The following GRIN2A variants were observed in gnomAD, a reference collection of about 807,000 sequenced individuals.
GRIN2A encodes glutamate receptor ionotropic, NMDA 2A.
Under a neutral mutation model 113.4 loss-of-function variants are expected in GRIN2A, and 22 were observed. The ratio of observed to expected loss-of-function variants is 0.19; its 90% CI spans 0.14 to 0.28. The LOEUF (loss-of-function observed/expected upper bound fraction) is 0.28. Ranked by LOEUF, GRIN2A falls within the 10% of genes least tolerant of loss-of-function variation. GRIN2A has a pLI of 1.00. For synonymous variants in GRIN2A, 827 were observed against 738.4 expected (o/e 1.12, Z -1.94); for missense variants, 1,502 against 1,887.0 (o/e 0.80, Z 3.78).
intron 2 of GRIN2A, among the ~76,000 whole-genome samples, chr16:10,153,255 C>T (rs2049621711): frequency 2.0e-5 from 3 of 152,118 alleles, no homozygotes; most frequent in Admixed American, 1.3e-4. Flanking sequence ...TTGCTGTGAA[C>T]CTAAGACTGC....
chr16:9,871,784 C>CA (rs541951403), intron 4 of GRIN2A, among the ~76,000 whole-genome samples: 2 of 151,516 alleles, frequency 1.3e-5, no homozygotes, highest in Non-Finnish European at 2.9e-5. Flanking sequence ...CTATTAGGCA[C>CA]TTTTTTTTTG....
chr16:10,011,577 G>A (rs2046506177), intron 2 of GRIN2A, among the ~76,000 whole-genome samples: 1 of 152,220 alleles, frequency 6.6e-6, no homozygotes, highest in African/African-American at 2.4e-5. Flanking sequence ...GTGTGCTGAA[G>A]TAACTGCCTG....
intron 2 of GRIN2A, among the ~76,000 whole-genome samples, chr16:9,993,379 A>T (rs2141823177): frequency 6.6e-6 from 1 of 152,134 alleles, no homozygotes; most frequent in East Asian, 1.9e-4. Flanking sequence ...GTGAAACCCC[A>T]TCTCTACAAA....
intron 2 of GRIN2A, among the ~76,000 whole-genome samples, chr16:9,957,355 G>T (rs2045331977): frequency 2.0e-5 from 3 of 152,152 alleles, no homozygotes; most frequent in Admixed American, 2.0e-4. Context: ...CTCACTGTGG[G>T]ACACAGCCAC....
At position 10,162,954 on chromosome 16, in the gene GRIN2A, G is replaced by A. The variant is rs775250984; in HGVS notation, c.414+17044C>T. ...AAGTAAACTAAGCACATGATCCCAC[G>A]AAGGCACATCCAAGGCTCTCTTTTG... On this transcript the variant is annotated intron_variant, in intron 2 of 12. Coordinates refer to ENST00000330684, the MANE Select transcript of GRIN2A (RefSeq NM_001134407.3). 2.4e-4 allele frequency among the ~76,000 whole-genome samples: 37 copies of A among 152,306 alleles called. No individual in the cohort carries two copies. In the Middle Eastern group the frequency reaches 0.02, roughly 84 times the overall value.
Position 10,180,678 on chromosome 16 carries a change from A to C in GRIN2A, c.-18-249T>G. On this transcript the variant is annotated intron_variant, in intron 1 of 12. Transcript: ENST00000330684. The surrounding 1 kb of genome is among the most constrained non-coding windows in gnomAD (Gnocchi z 7.0). Reference sequence around the variant, plus strand: ...GCCCCTTCTCGCATCCAGCTTCCTCATCCCCTGTCTCCAGGCACTTCCCCA... The same window carrying C: ...GCCCCTTCTCGCATCCAGCTTCCTCCTCCCCTGTCTCCAGGCACTTCCCCA... 3.3e-6 allele frequency: 2 copies of C among 606,948 alleles called. No homozygotes were observed. The highest frequency in any genetic ancestry group is 2.9e-6 in the Non-Finnish European group (1 of 349,714). The allele number at this position is 606,948 out of a possible 1,614,324, so 37.6% of individuals were successfully genotyped here.
chr16:9,783,598 C>A (rs1036331449), intron 11 of GRIN2A, among the ~76,000 whole-genome samples: 1 of 152,140 alleles, frequency 6.6e-6, no homozygotes, highest in Non-Finnish European at 1.5e-5. Flanking sequence ...AAGTGCCAAA[C>A]CATTTATGCC....
chr16:10,111,741 G>C, intron 2 of GRIN2A: 1 of 1,524,306 alleles, frequency 6.6e-7, no homozygotes, highest in East Asian at 2.3e-5. Flanking sequence ...ACCCCGTGGT[G>C]CTGAGCCCCT....
chr16:9,874,916 T>A (rs573933640), intron 4 of GRIN2A, among the ~76,000 whole-genome samples: 2 of 151,792 alleles, frequency 1.3e-5, no homozygotes, highest in African/African-American at 4.8e-5. Context: ...CAAAACCCTG[T>A]CTCTACAAAA....
At chr16:10,140,560 C>T (rs903911204) in intron 2 of GRIN2A, among the ~76,000 whole-genome samples, 1 of 152,206 alleles carries the variant, frequency 6.6e-6, no homozygotes, top group Non-Finnish European at 1.5e-5. Context: ...AGAAAACACT[C>T]TTTCTTCTGG....
intron 2 of GRIN2A, among the ~76,000 whole-genome samples, chr16:9,953,719 C>A (rs949168679): frequency 6.6e-6 from 1 of 152,094 alleles, no homozygotes; most frequent in Admixed American, 6.5e-5. Context: ...AACTTAGAAG[C>A]CACGGGAGTA....
At chr16:10,043,672 C>A (rs200813553) in intron 2 of GRIN2A, among the ~76,000 whole-genome samples, 1 of 152,070 alleles carries the variant, frequency 6.6e-6, no homozygotes, top group Admixed American at 6.5e-5. Context: ...TAACCAGAAC[C>A]ACACAGCTTA....
rs116637102 is a variant in GRIN2A at position 10,021,246 on chromosome 16, C to A, written c.415-82695G>T. Among the ~76,000 whole-genome samples the A allele has an allele frequency of 5.0e-3, 763 of 152,314 alleles. 11 individuals carry two copies. Among genetic ancestry groups the A allele is most frequent in the African/African-American group, 0.018 (730 of 41,564 alleles). On this transcript the variant is annotated intron_variant, in intron 2 of 12. Coordinates refer to ENST00000330684, the MANE Select transcript of GRIN2A (RefSeq NM_001134407.3). ...CTAGGTAGTGAATGAATGGACTGGTCAATGACGGCTCTATTCAACACATAT... is the reference window on the plus strand; with the variant it reads ...CTAGGTAGTGAATGAATGGACTGGTAAATGACGGCTCTATTCAACACATAT...
At chr16:9,845,638 A>T (rs1425349456) in intron 5 of GRIN2A, among the ~76,000 whole-genome samples, 1 of 152,046 alleles carries the variant, frequency 6.6e-6, no homozygotes, top group African/African-American at 2.4e-5. Context: ...CCGTTTCCCA[A>T]ACTCCCAAGC....
At chr16:9,948,540 G>A (rs1417635911) in intron 2 of GRIN2A, among the ~76,000 whole-genome samples, 1 of 152,202 alleles carries the variant, frequency 6.6e-6, no homozygotes, top group Non-Finnish European at 1.5e-5. Flanking sequence ...GTCCATCCCA[G>A]GGAGGACTAG....
intron 10 of GRIN2A, among the ~76,000 whole-genome samples, chr16:9,806,826 G>A (rs149354812): frequency 3.3e-4 from 50 of 152,054 alleles, no homozygotes; most frequent in African/African-American, 9.9e-4. Context: ...AAGGAGTGAG[G>A]ACAGTGATAT....
intron 2 of GRIN2A, among the ~76,000 whole-genome samples, chr16:10,068,758 G>C (rs1041241468): frequency 6.6e-6 from 1 of 152,194 alleles, no homozygotes; most frequent in African/African-American, 2.4e-5. Context: ...TGAGAGTAAA[G>C]GACAGAGGCC....
chr16:9,901,195 A>T (rs2043914513), intron 3 of GRIN2A, among the ~76,000 whole-genome samples: 1 of 152,186 alleles, frequency 6.6e-6, no homozygotes, highest in Non-Finnish European at 1.5e-5. Flanking sequence ...TGCTCAATGC[A>T]AATTTGTGGA....
At chr16:10,043,879 A>G (rs1180406445) in intron 2 of GRIN2A, among the ~76,000 whole-genome samples, 1 of 151,772 alleles carries the variant, frequency 6.6e-6, no homozygotes, top group Non-Finnish European at 1.5e-5. Flanking sequence ...ATACATATAC[A>G]TACACACACA....
Sources: gnomAD v4.1 joint callset for allele counts (sites outside exome capture counted in the v4.1 genomes callset) on GRCh38, gnomAD v4.1.1 for gene constraint, Gnocchi (gnomAD v3.1) non-coding constraint, MANE v1.5 for transcripts, NCBI Gene and HGNC (gene_info 2026-07-23, HGNC 2026-07-21) for gene names.